Variants in KCNMA1 observed in about 807,000 individuals in gnomAD.
KCNMA1 encodes the protein potassium calcium-activated channel subfamily M alpha 1.
KCNMA1 carries 29 observed loss-of-function variants against 140.0 expected under a neutral mutation model. The ratio of observed to expected loss-of-function variants is 0.21; its 90% CI spans 0.15 to 0.28. The LOEUF is 0.28. KCNMA1 is among the 10% of genes least tolerant of loss of function. KCNMA1 has a pLI of 1.00. For synonymous variants in KCNMA1, 612 were observed against 611.9 expected, an observed-to-expected ratio of 1.00 and a Z score of 0.00; for missense variants, 880 against 1,602.2, an observed-to-expected ratio of 0.55 and a Z score of 7.70.
chr10:77,009,449 A>G (rs1299980245), intron 18 of KCNMA1, among the ~76,000 whole-genome samples: 1 of 152,152 alleles, frequency 6.6e-6, no homozygotes, highest in East Asian at 1.9e-4. Flanking sequence ...CCTATGAGGG[A>G]CATTCCAATG....
rs1465651278 is a variant in KCNMA1 at position 76,947,948 on chromosome 10, G to A, written c.2709+1194C>T. 2.6e-5 allele frequency among the ~76,000 whole-genome samples: 4 copies of A among 152,140 alleles called. No homozygotes were observed. In the East Asian group the frequency reaches 7.7e-4, roughly 29 times the overall value. Reference sequence around the variant, plus strand: ...ATACATTTTAGCTTTGTAAGTGGGGGAAAACCCAGACTTCTTAACATGTAG... The same window carrying A: ...ATACATTTTAGCTTTGTAAGTGGGGAAAAACCCAGACTTCTTAACATGTAG... On this transcript the variant is annotated intron_variant, in intron 22 of 27. Transcript: ENST00000286628.
rs993397380 is a variant in KCNMA1 at position 77,634,689 on chromosome 10, T to C, written c.378+2576A>G. ...TTTCTTGGGAAATCTAGCACAAAAA[T>C]TATTATTCTAAGCTTAAGCCAAATA... is the stretch of plus-strand genomic sequence containing the variant. On this transcript the variant is annotated intron_variant, in intron 1 of 27. Coordinates refer to ENST00000286628, the MANE Select transcript of KCNMA1 (RefSeq NM_001161352.2). 3.0e-6 allele frequency: 3 copies of C among 983,848 alleles called. No individual in the cohort carries two copies. The African/African-American group carries it at 5.2e-5, about 17-fold the overall frequency. The allele number at this position is 983,848 out of a possible 1,614,324, so 60.9% of individuals were successfully genotyped here.
At chr10:76,946,916 A>G (rs1298603570) in intron 22 of KCNMA1, among the ~76,000 whole-genome samples, 1 of 152,238 alleles carries the variant, frequency 6.6e-6, no homozygotes, top group Non-Finnish European at 1.5e-5. Context: ...CTGTGAAGAC[A>G]TAGGTGAAGG....
chr10:77,549,549 G>A (rs2062240309), intron 1 of KCNMA1, among the ~76,000 whole-genome samples: 1 of 152,256 alleles, frequency 6.6e-6, no homozygotes, highest in African/African-American at 2.4e-5. Flanking sequence ...GTGGGCTGCA[G>A]TGAGAAGAGC....
At chr10:76,948,127 C>T (rs2064895184) in intron 22 of KCNMA1, among the ~76,000 whole-genome samples, 1 of 152,100 alleles carries the variant, frequency 6.6e-6, no homozygotes, top group African/African-American at 2.4e-5. Flanking sequence ...AACTCAGCCT[C>T]TCAAGTAGCT....
intron 19 of KCNMA1, chr10:76,971,094 T>G (rs1349428808): frequency 6.6e-6 from 1 of 151,906 alleles, no homozygotes; most frequent in South Asian, 2.1e-4. Flanking sequence ...CTAGTCCTCC[T>G]CTCCCCACCC....
chr10:77,399,335 C>T (rs1314898642), intron 2 of KCNMA1, among the ~76,000 whole-genome samples: 1 of 152,192 alleles, frequency 6.6e-6, no homozygotes, highest in Non-Finnish European at 1.5e-5. Context: ...CATGAGCCGA[C>T]TCCAAATCCC....
At chr10:76,978,321 T>A (rs2078317160) in intron 19 of KCNMA1, 1 of 152,242 alleles carries the variant, frequency 6.6e-6, no homozygotes, top group Non-Finnish European at 1.5e-5. Context: ...AATCAGAATA[T>A]CTCTGTTATT....
At chr10:77,012,236 G>A (rs2090965503) in intron 17 of KCNMA1, 193 bp from the exon 18 acceptor site, 1 of 1,470,840 alleles carries the variant, frequency 6.8e-7, no homozygotes, top group South Asian at 1.5e-5. Context: ...ACAGGATTCT[G>A]TGATTTGAGT....
At chr10:76,877,940 T>G (rs1161626852) in intron 29 of KCNMA1, 1 of 1,557,384 alleles carries the variant, frequency 6.4e-7, no homozygotes, top group Admixed American at 1.8e-5. Flanking sequence ...ATGAGAAGTT[T>G]AATTAGTCCT....
chr10:77,404,141 A>C (rs1259090908), intron 1 of KCNMA1, 118 bp from the exon 2 acceptor site: 1 of 887,752 alleles, frequency 1.1e-6, no homozygotes, highest in Non-Finnish European at 1.8e-6. Flanking sequence ...ACTAGCTTAA[A>C]GGTATAGGAG....
intron 1 of KCNMA1, among the ~76,000 whole-genome samples, chr10:77,417,978 C>A (rs183310243): frequency 4.5e-4 from 68 of 152,294 alleles, no homozygotes; most frequent in Middle Eastern, 3.4e-3. Flanking sequence ...GCCCTGCTCC[C>A]TGGACTCTGC....
intron 6 of KCNMA1, among the ~76,000 whole-genome samples, 181 bp downstream of exon 6, chr10:77,120,791 GC>G (rs2097577300): frequency 6.6e-6 from 1 of 151,952 alleles, no homozygotes; most frequent in Non-Finnish European, 1.5e-5. Context: ...TAGTTCCCTG[GC>G]CCTGCAGAAG....
chr10:77,307,750 C>T (rs1034586595), intron 2 of KCNMA1, among the ~76,000 whole-genome samples: 3 of 152,104 alleles, frequency 2.0e-5, no homozygotes, highest in Non-Finnish European at 2.9e-5. Context: ...GGGGTTTCAC[C>T]GTGTTAGCCA....
chr10:77,171,712 C>A (rs2098710085), intron 5 of KCNMA1, among the ~76,000 whole-genome samples: 1 of 152,116 alleles, frequency 6.6e-6, no homozygotes, highest in African/African-American at 2.4e-5. Context: ...GATTCCTCAG[C>A]CCTACCTTTC....
chr10:77,546,692 T>C (rs2061530520), intron 1 of KCNMA1, among the ~76,000 whole-genome samples: 1 of 152,212 alleles, frequency 6.6e-6, no homozygotes. Flanking sequence ...GCCTGCTCAC[T>C]CCGTGGTAGC....
intron 1 of KCNMA1, among the ~76,000 whole-genome samples, chr10:77,580,148 G>A (rs908796926): frequency 8.5e-5 from 13 of 152,230 alleles, no homozygotes; most frequent in Admixed American, 2.6e-4. Context: ...TTGGGAGGCC[G>A]AGGCGGGCAG....
At chr10:77,111,828 G>T (rs1381768048) in intron 7 of KCNMA1, among the ~76,000 whole-genome samples, 1 of 152,226 alleles carries the variant, frequency 6.6e-6, no homozygotes, top group Non-Finnish European at 1.5e-5. Flanking sequence ...CAGGGGGAAA[G>T]TCTGCCTTCG....
chr10:77,240,720 T>C (rs958139844), intron 3 of KCNMA1, among the ~76,000 whole-genome samples: 3 of 152,234 alleles, frequency 2.0e-5, no homozygotes, highest in Admixed American at 2.0e-4. Flanking sequence ...CATTTCTGCA[T>C]AGGAACAATC....
Sources: gnomAD v4.1 joint callset for allele counts (sites outside exome capture counted in the v4.1 genomes callset) on GRCh38, gnomAD v4.1.1 for gene constraint, MANE v1.5 for transcripts, NCBI Gene and HGNC (gene_info 2026-07-23, HGNC 2026-07-21) for gene names.